SCFD1: variants seen among roughly 807,000 people sequenced by gnomAD.
SCFD1 encodes the protein sec1 family domain containing 1.
A neutral mutation model predicts 103.2 loss-of-function variants in SCFD1; 37 were observed. The ratio of observed to expected loss-of-function variants is 0.36; its 90% CI spans 0.28 to 0.47. SCFD1 has a LOEUF of 0.47. Ranked by LOEUF, SCFD1 falls within the 20% of genes least tolerant of loss-of-function variation. SCFD1 has a pLI of 1.00. For missense variants in SCFD1, 639 were observed against 761.2 expected (o/e 0.84, Z 1.89); for synonymous variants, 264 against 245.0 (o/e 1.08, Z -0.73).
chr14:30,665,230 G>A (rs230354), intron 10 of SCFD1, among the ~76,000 whole-genome samples: 2 of 152,016 alleles, frequency 1.3e-5, no homozygotes, highest in Non-Finnish European at 2.9e-5. Flanking sequence ...AGAGTGGGGG[G>A]CAATATTCAA....
At chr14:30,649,402 T>A (rs1886185865) in intron 7 of SCFD1, 126 bp from the exon 8 acceptor site, 2 of 667,576 alleles carry the variant, frequency 3.0e-6, no homozygotes, top group South Asian at 1.9e-5. Context: ...AATAAATACA[T>A]AAAATCGTGT....
At chr14:30,633,513 T>G (rs1884394385) in intron 3 of SCFD1, among the ~76,000 whole-genome samples, 1 of 152,170 alleles carries the variant, frequency 6.6e-6, no homozygotes, top group Non-Finnish European at 1.5e-5. Context: ...TTCTAAAGAA[T>G]TGCTTCTAAA....
chr14:30,710,412 A>C (rs1368021114), intron 19 of SCFD1, among the ~76,000 whole-genome samples: 1 of 150,510 alleles, frequency 6.6e-6, no homozygotes, highest in Non-Finnish European at 1.5e-5. Flanking sequence ...ATTTTATATT[A>C]TCATCAAGTA....
intron 7 of SCFD1, among the ~76,000 whole-genome samples, chr14:30,646,413 T>A (rs557399860): frequency 6.6e-6 from 1 of 152,298 alleles, no homozygotes; most frequent in South Asian, 2.1e-4. Context: ...TTAGTTCTTT[T>A]TATGTAATGA....
chr14:30,627,554 C>G (rs1233955868), intron 1 of SCFD1, among the ~76,000 whole-genome samples: 1 of 151,928 alleles, frequency 6.6e-6, no homozygotes, highest in Non-Finnish European at 1.5e-5. Context: ...CTAGACCAGC[C>G]TGACCAACAC....
intron 4 of SCFD1, among the ~76,000 whole-genome samples, chr14:30,637,749 G>T (rs926896377): frequency 6.6e-6 from 1 of 152,150 alleles, no homozygotes; most frequent in African/African-American, 2.4e-5. Context: ...TGAAGGATTT[G>T]TTGTGTCATC....
intron 9 of SCFD1, among the ~76,000 whole-genome samples, chr14:30,651,223 A>G (rs1287166209): frequency 6.6e-6 from 1 of 152,192 alleles, no homozygotes; most frequent in Non-Finnish European, 1.5e-5. Flanking sequence ...AATTGTTTAA[A>G]GAAGAGATTA....
intron 17 of SCFD1, among the ~76,000 whole-genome samples, chr14:30,703,933 AT>A (rs1891263813): frequency 1.6e-5 from 1 of 61,544 alleles, no homozygotes; most frequent in African/African-American, 1.2e-4. Flanking sequence ...ATATATATAT[AT>A]ATATATATAT....
chr14:30,710,385 G>T (rs546155534), intron 19 of SCFD1, among the ~76,000 whole-genome samples: 2 of 148,072 alleles, frequency 1.4e-5, no homozygotes, highest in African/African-American at 5.0e-5. Context: ...GGTATTGACA[G>T]GGGGTAGGAA....
At position 30,649,088 on chromosome 14, in the gene SCFD1, A is replaced by G. The variant is rs116370858; in HGVS notation, c.614-440A>G. ...TGATTGGTCAGCTCCATATAAAAAT[A>G]GTTTTCTTCTGACTCCCTGTTGTTT... On this transcript the variant is annotated intron_variant, in intron 7 of 24. Coordinates refer to ENST00000458591, the MANE Select transcript of SCFD1 (RefSeq NM_016106.4). 4.5e-3 allele frequency among the ~76,000 whole-genome samples: 691 copies of G among 152,172 alleles called. 7 individuals are homozygous for G. Among genetic ancestry groups the G allele is most frequent in the African/African-American group, 0.016 (648 of 41,546 alleles).
chr14:30,663,114 A>G (rs1213663772), intron 10 of SCFD1, among the ~76,000 whole-genome samples: 3 of 152,326 alleles, frequency 2.0e-5, no homozygotes, highest in Non-Finnish European at 4.4e-5. Context: ...TATCCTTGCT[A>G]TTAAATTACT....
At chr14:30,646,428 C>G (rs1885837184) in intron 7 of SCFD1, among the ~76,000 whole-genome samples, 1 of 150,760 alleles carries the variant, frequency 6.6e-6, no homozygotes, top group South Asian at 2.1e-4. Context: ...TAATGAATCA[C>G]ATTTTCTGAT....
At position 30,622,377 on chromosome 14, in the gene SCFD1, C is replaced by G. The variant is rs1215926461; in HGVS notation, c.39C>G (p.Ala13=). Residue 13 remains alanine, a synonymous_variant, in exon 1 of 25, where the codon GCC becomes GCG. Transcript: ENST00000458591. The stretch of plus-strand genomic sequence containing the variant: ...CGGCAGCGACAGCAGCAGCAGCAGC[C>G]AGTATTCGGGAAAGGCAGACAGGTA... ...AAAAATAAAA[A]SIRERQTVAL... The G allele has an allele frequency of 6.4e-7, 1 of 1,557,092 alleles. No individual in the cohort carries two copies. Among genetic ancestry groups the G allele is most frequent in the Non-Finnish European group, 8.7e-7 (1 of 1,150,558 alleles).
chr14:30,642,351 G>A (rs972410602), intron 6 of SCFD1, among the ~76,000 whole-genome samples: 1 of 152,040 alleles, frequency 6.6e-6, no homozygotes, highest in Admixed American at 6.6e-5. Context: ...CAGCCTCCCA[G>A]AGTGCTGGGA....
intron 19 of SCFD1, among the ~76,000 whole-genome samples, chr14:30,710,191 T>G (rs554687286): frequency 6.6e-6 from 1 of 152,086 alleles, no homozygotes; most frequent in Non-Finnish European, 1.5e-5. Flanking sequence ...TTTATGATCT[T>G]ACATCTCTGT....
At chr14:30,682,168 GA>G in intron 14 of SCFD1, among the ~76,000 whole-genome samples, 2 of 152,112 alleles carry the variant, frequency 1.3e-5, no homozygotes. Flanking sequence ...CATATGTTTG[GA>G]AATGAAATAA....
intron 23 of SCFD1, chr14:30,734,420 G>C (rs1257340096): frequency 4.3e-6 from 1 of 231,746 alleles, no homozygotes; most frequent in African/African-American, 2.2e-5. Flanking sequence ...TCAGCATAAA[G>C]AAACTCGAAT....
At chr14:30,703,770 C>T (rs1433627229) in intron 17 of SCFD1, among the ~76,000 whole-genome samples, 1 of 150,024 alleles carries the variant, frequency 6.7e-6, no homozygotes, top group Admixed American at 6.6e-5. Flanking sequence ...AAAAAAAATA[C>T]ACAACAAACC....
chr14:30,691,483 G>A (rs992335638), intron 14 of SCFD1, among the ~76,000 whole-genome samples: 1 of 152,168 alleles, frequency 6.6e-6, no homozygotes, highest in Non-Finnish European at 1.5e-5. Context: ...GTGCCTTGAA[G>A]AGATACTAGT....
Sources: allele counts gnomAD v4.1 joint callset (sites outside exome capture counted in the v4.1 genomes callset), GRCh38; gene constraint gnomAD v4.1.1; transcripts MANE v1.5; gene names NCBI Gene and HGNC (gene_info 2026-07-23, HGNC 2026-07-21).